MSANTD5: variants seen among roughly 807,000 people sequenced by gnomAD.
MSANTD5 encodes the protein Myb/SANT DNA binding domain containing 5, also known as uncharacterized protein MSANTD5.
chr5:178,704,881 G>A, the MSANTD5 span, among the ~76,000 whole-genome samples: 1 of 152,146 alleles, frequency 6.6e-6, no homozygotes, highest in African/African-American at 2.4e-5. Flanking sequence ...CAGGCACAGG[G>A]GATGAGACTG....
chr5:178,700,976 T>C (rs1457849231), upstream of MSANTD5, among the ~76,000 whole-genome samples: 2 of 151,806 alleles, frequency 1.3e-5, no homozygotes, highest in African/African-American at 2.4e-5. Flanking sequence ...GTTCAGTTTT[T>C]TGTTTGTTTG....
At chr5:178,701,892 C>A (rs1453597898), upstream of MSANTD5, among the ~76,000 whole-genome samples, 4 of 151,080 alleles carry the variant, frequency 2.6e-5, no homozygotes, top group East Asian at 7.9e-4. Context: ...CACCACCATG[C>A]CCGGCTAATT....
chr5:178,699,846 C>T (rs539338580), upstream of MSANTD5, among the ~76,000 whole-genome samples: 7 of 151,784 alleles, frequency 4.6e-5, no homozygotes, highest in Non-Finnish European at 7.4e-5. Context: ...ATCTTGTCCT[C>T]GGTATATGCA....
At chr5:178,702,404 G>A (rs763781520), upstream of MSANTD5, among the ~76,000 whole-genome samples, 10 of 149,240 alleles carry the variant, frequency 6.7e-5, no homozygotes, top group Non-Finnish European at 1.0e-4. Flanking sequence ...GGGTTCAGGC[G>A]ATTCTTCGGC....
the MSANTD5 span, among the ~76,000 whole-genome samples, chr5:178,702,696 C>T: frequency 6.6e-6 from 1 of 152,026 alleles, no homozygotes; most frequent in African/African-American, 2.4e-5. Context: ...CTCTTGGGTT[C>T]AAGCAATTCT....
the MSANTD5 span, among the ~76,000 whole-genome samples, chr5:178,706,203 C>T: frequency 0.23 from 35,012 of 152,044 alleles, 4,430 homozygotes; most frequent in South Asian, 0.36. Context: ...CATTGGACTT[C>T]TGGGATAAAT....
At chr5:178,699,224 C>T (rs1426333679), upstream of MSANTD5, among the ~76,000 whole-genome samples, 1 of 152,194 alleles carries the variant, frequency 6.6e-6, no homozygotes, top group African/African-American at 2.4e-5. Flanking sequence ...CACCTCAGCC[C>T]TGCATCTAGC....
At chr5:178,698,927 T>C (rs1765448428), upstream of MSANTD5, among the ~76,000 whole-genome samples, 1 of 152,058 alleles carries the variant, frequency 6.6e-6, no homozygotes, top group South Asian at 2.1e-4. Context: ...TCCATGTGGC[T>C]TAAGACTAAT....
At chr5:178,692,250 G>C (rs931377507), downstream of MSANTD5, among the ~76,000 whole-genome samples, 1 of 149,604 alleles carries the variant, frequency 6.7e-6, no homozygotes, top group Non-Finnish European at 1.5e-5. Context: ...CATGGTGGCA[G>C]GCGCCTGTAA....
the MSANTD5 span, among the ~76,000 whole-genome samples, chr5:178,704,684 C>T: frequency 2.6e-5 from 4 of 152,206 alleles, no homozygotes; most frequent in African/African-American, 9.6e-5. Context: ...CGGATGTCTA[C>T]AGGAATGTCA....
downstream of MSANTD5, among the ~76,000 whole-genome samples, chr5:178,691,696 C>G (rs1231686627): frequency 5.1e-5 from 7 of 136,250 alleles, 1 homozygote; most frequent in African/African-American, 1.8e-4. Flanking sequence ...CAAATAATAA[C>G]AGTAAAAACA....
At chr5:178,700,211 C>T (rs1328205980), upstream of MSANTD5, among the ~76,000 whole-genome samples, 1 of 152,154 alleles carries the variant, frequency 6.6e-6, no homozygotes, top group African/African-American at 2.4e-5. Context: ...CTCTCCTCAA[C>T]TTGGACACAG....
upstream of MSANTD5, among the ~76,000 whole-genome samples, chr5:178,698,705 A>C (rs542686211): frequency 6.7e-6 from 1 of 148,392 alleles, no homozygotes; most frequent in Non-Finnish European, 1.5e-5. Context: ...TCAGCCTCGC[A>C]GGTAGCTAGG....
intron 1 of MSANTD5, among the ~76,000 whole-genome samples, chr5:178,697,333 A>G (rs1346874352): frequency 2.6e-5 from 4 of 151,908 alleles, no homozygotes; most frequent in Non-Finnish European, 4.4e-5. Flanking sequence ...GGGCGCCTGT[A>G]GTCCCAGCTA....
At chr5:178,703,324 A>G in the MSANTD5 span, among the ~76,000 whole-genome samples, 24 of 152,298 alleles carry the variant, frequency 1.6e-4, no homozygotes, top group East Asian at 2.3e-3. Context: ...CTTGGCTTGC[A>G]TGAGTCACTC....
chr5:178,702,975 C>G, the MSANTD5 span, among the ~76,000 whole-genome samples: 2 of 152,164 alleles, frequency 1.3e-5, no homozygotes, highest in South Asian at 2.1e-4. Context: ...AGAGCAGTCA[C>G]GGAGACAAAC....
chr5:178,706,143 C>T, the MSANTD5 span, among the ~76,000 whole-genome samples: 12 of 152,152 alleles, frequency 7.9e-5, no homozygotes, highest in Non-Finnish European at 1.2e-4. Flanking sequence ...ACATTCCCCC[C>T]TACCCATTCT....
the MSANTD5 span, among the ~76,000 whole-genome samples, chr5:178,705,263 G>C: frequency 6.6e-6 from 1 of 152,026 alleles, no homozygotes. Context: ...GGCCAGGATG[G>C]TCTCGATCTC....
In MSANTD5 at chr5:178,695,367, C is replaced by CTTGGCCTCTGG. The variant is rs1276090611; in HGVS notation, c.312_322dup (p.Arg108ThrfsTer55). 2 of 152,260 alleles carry CTTGGCCTCTGG rather than the reference C, an allele frequency of 1.3e-5. No homozygotes were observed. The highest frequency in any genetic ancestry group is 2.9e-5 in the Non-Finnish European group (2 of 68,082). The allele number at this position is 152,260 out of a possible 1,614,324, so 9.4% of individuals were successfully genotyped here. A position where few individuals can be genotyped will look rare whatever the true frequency, so the allele number is the denominator to read the frequency against. On this transcript the variant is annotated frameshift_variant, in exon 3 of 4. Coordinates refer to ENST00000648368, the Ensembl canonical transcript of MSANTD5. LOFTEE classifies it high-confidence loss of function. Reference sequence around the variant, plus strand: ...ATAAGGACATGGCAAGGGTTGGCACCTTGGCCTCTGGTTGGCCTCCTGAAT... The same window carrying CTTGGCCTCTGG: ...ATAAGGACATGGCAAGGGTTGGCACCTTGGCCTCTGGTTGGCCTCTGGTTGGCCTCCTGAAT...
Sources: gnomAD v4.1 joint callset for allele counts (sites outside exome capture counted in the v4.1 genomes callset) on GRCh38, gnomAD v4.1.1 for gene constraint, MANE v1.5 for transcripts, NCBI Gene and HGNC (gene_info 2026-07-23, HGNC 2026-07-21) for gene names.